Variants in RBM47 observed in about 807,000 individuals in gnomAD.
RBM47 encodes RNA binding motif protein 47.
Under a neutral mutation model 47.1 loss-of-function variants are expected in RBM47, and 21 were observed. That is an observed-to-expected ratio of 0.45 (90% CI 0.32 to 0.64). The LOEUF is 0.64. RBM47 is among the 30% of genes least tolerant of loss of function. RBM47 has a pLI of 0.05. For missense variants in RBM47, 708 were observed against 870.9 expected (o/e 0.81, Z 2.35); for synonymous variants, 375 against 361.7 (o/e 1.04, Z -0.42).
chr4:40,561,248 T>TTTTTG (rs1730591675), intron 1 of RBM47, among the ~76,000 whole-genome samples: 1 of 139,024 alleles, frequency 7.2e-6, no homozygotes, highest in African/African-American at 2.7e-5. Context: ...TTTTTTTTTT[T>TTTTTG]GAGACGGAGT....
intron 1 of RBM47, among the ~76,000 whole-genome samples, chr4:40,615,602 G>A (rs1051144989): frequency 5.9e-5 from 9 of 152,262 alleles, no homozygotes; most frequent in South Asian, 2.1e-4. Context: ...CTAACATGGT[G>A]AAACCCCATC....
At chr4:40,616,091 G>A (rs1243329447) in intron 1 of RBM47, among the ~76,000 whole-genome samples, 1 of 152,070 alleles carries the variant, frequency 6.6e-6, no homozygotes, top group Non-Finnish European at 1.5e-5. Flanking sequence ...GGTGGCTCAC[G>A]CTTGTAATCC....
chr4:40,577,564 C>T (rs1377628420), intron 1 of RBM47, among the ~76,000 whole-genome samples: 2 of 151,728 alleles, frequency 1.3e-5, no homozygotes, highest in South Asian at 2.1e-4. Context: ...GGATGTTCCT[C>T]TCTGCTATTT....
intron 1 of RBM47, among the ~76,000 whole-genome samples, chr4:40,594,422 C>T (rs12644323): frequency 0.19 from 29,501 of 152,070 alleles, 3,343 homozygotes; most frequent in Admixed American, 0.26. Flanking sequence ...CGACAGTCTT[C>T]CAGAATTGAC....
At chr4:40,432,232 A>G (rs866354332) in intron 6 of RBM47, among the ~76,000 whole-genome samples, 2 of 71,520 alleles carry the variant, frequency 2.8e-5, no homozygotes, top group African/African-American at 7.4e-5. Flanking sequence ...ACACACACAC[A>G]CACACACACA....
intron 1 of RBM47, among the ~76,000 whole-genome samples, chr4:40,626,793 G>A (rs1388044487): frequency 6.6e-6 from 1 of 152,152 alleles, no homozygotes; most frequent in Non-Finnish European, 1.5e-5. Context: ...GACCTCAGGA[G>A]TTTTACCAAC....
chr4:40,545,210 C>T lies in RBM47; in HGVS notation c.-239-704G>A, dbSNP rs996324989. ...GGGATTACAGGCATGCCCCACCATG[C>T]CCAGCTAATGTTTTGTATTTTTAGT... On this transcript the variant is annotated intron_variant, in intron 1 of 6. Coordinates refer to ENST00000295971, the MANE Select transcript of RBM47 (RefSeq NM_001098634.2). Among the ~76,000 whole-genome samples the T allele has an allele frequency of 1.1e-4, 17 of 151,416 alleles. No individual in the cohort carries two copies. The East Asian group carries it at 3.1e-3, about 28-fold the overall frequency.
chr4:40,594,412 C>T (rs562556408), intron 1 of RBM47, among the ~76,000 whole-genome samples: 1 of 152,272 alleles, frequency 6.6e-6, no homozygotes, highest in South Asian at 2.1e-4. Flanking sequence ...CCTTCTGGTA[C>T]GACAGTCTTC....
intron 3 of RBM47, among the ~76,000 whole-genome samples, chr4:40,449,589 G>A (rs538219704): frequency 6.6e-5 from 10 of 152,298 alleles, no homozygotes; most frequent in East Asian, 1.9e-4. Context: ...ACTACAAGAC[G>A]GCTGAAGCCA....
chr4:40,465,087 T>G (rs1717807761), intron 3 of RBM47, among the ~76,000 whole-genome samples: 1 of 151,880 alleles, frequency 6.6e-6, no homozygotes, highest in African/African-American at 2.4e-5. Flanking sequence ...ATTAAAAAAA[T>G]TTTGCTCTCT....
intron 1 of RBM47, among the ~76,000 whole-genome samples, chr4:40,578,869 G>A (rs1329675578): frequency 6.6e-6 from 1 of 152,226 alleles, no homozygotes; most frequent in African/African-American, 2.4e-5. Context: ...TGTAATTCCA[G>A]CACTTTGGGA....
chr4:40,429,857 G>A (rs549512138), intron 6 of RBM47, among the ~76,000 whole-genome samples: 3 of 152,122 alleles, frequency 2.0e-5, no homozygotes, highest in Non-Finnish European at 2.9e-5. Flanking sequence ...AGGTAGGGGA[G>A]GATGATCGAA....
intron 3 of RBM47, among the ~76,000 whole-genome samples, chr4:40,456,148 C>A (rs565052597): frequency 6.6e-6 from 1 of 152,258 alleles, no homozygotes; most frequent in Admixed American, 6.5e-5. Context: ...ACTTTGTATT[C>A]CTGCACGGGA....
chr4:40,560,307 G>A (rs923048999), intron 1 of RBM47, among the ~76,000 whole-genome samples: 5 of 152,214 alleles, frequency 3.3e-5, no homozygotes, highest in African/African-American at 1.2e-4. Context: ...ACAAGAGTAT[G>A]GAAGTTCAGA....
At chr4:40,458,928 T>C (rs1041023614) in intron 3 of RBM47, among the ~76,000 whole-genome samples, 1 of 152,204 alleles carries the variant, frequency 6.6e-6, no homozygotes, top group African/African-American at 2.4e-5. Context: ...TTCATTGATA[T>C]GAGTAGGAAC....
chr4:40,604,244 A>C (rs1468578280), intron 1 of RBM47, among the ~76,000 whole-genome samples: 2 of 152,200 alleles, frequency 1.3e-5, no homozygotes, highest in Non-Finnish European at 2.9e-5. Context: ...AGAAGATCTG[A>C]GATGCTTTAA....
At chr4:40,538,325 A>ATT (rs1391348519) in intron 2 of RBM47, among the ~76,000 whole-genome samples, 9 of 117,628 alleles carry the variant, frequency 7.7e-5, no homozygotes, top group African/African-American at 3.5e-4. Flanking sequence ...TTTTATTGGT[A>ATT]TTGTTTTTTT....
intron 2 of RBM47, among the ~76,000 whole-genome samples, chr4:40,527,559 G>A (rs1209300520): frequency 6.7e-6 from 1 of 149,422 alleles, no homozygotes; most frequent in Non-Finnish European, 1.5e-5. Context: ...CCAAAATGCT[G>A]GGGTTACAGG....
At chr4:40,463,374 A>G (rs950637309) in intron 3 of RBM47, among the ~76,000 whole-genome samples, 4 of 152,126 alleles carry the variant, frequency 2.6e-5, no homozygotes, top group African/African-American at 9.7e-5. Flanking sequence ...CAAAACCACA[A>G]GTGTTGGTGA....
Sources: gnomAD v4.1 joint callset for allele counts (sites outside exome capture counted in the v4.1 genomes callset) on GRCh38, gnomAD v4.1.1 for gene constraint, MANE v1.5 for transcripts, NCBI Gene and HGNC (gene_info 2026-07-23, HGNC 2026-07-21) for gene names.